ACSL3: variants seen among roughly 807,000 people sequenced by gnomAD.
ACSL3 encodes fatty acid CoA ligase Acsl3.
ACSL3 carries 34 observed loss-of-function variants against 84.7 expected under a neutral mutation model. That is an observed-to-expected ratio of 0.40 (90% CI 0.31 to 0.53). The LOEUF (loss-of-function observed/expected upper bound fraction) is 0.53, where lower values mean the gene tolerates loss of function less well. Ranked by LOEUF, ACSL3 falls within the 20% of genes least tolerant of loss-of-function variation. The pLI is 0.48. For missense variants in ACSL3, 680 were observed against 873.1 expected, an observed-to-expected ratio of 0.78 and a Z score of 2.79; for synonymous variants, 315 against 299.4, an observed-to-expected ratio of 1.05 and a Z score of -0.54.
In ACSL3 at chr2:222,934,204, G is replaced by A. The variant is rs551078317; in HGVS notation, c.1848-326G>A. Among the ~76,000 whole-genome samples, 126 of 151,668 alleles carry A rather than the reference G, an allele frequency of 8.3e-4. 1 individual carries two copies. The highest frequency in any genetic ancestry group is 2.9e-3 in the African/African-American group (119 of 41,514). On this transcript the variant is annotated intron_variant, in intron 15 of 16. Transcript: ENST00000357430. ...AAACACATGCTATGAAATACTGATA[G>A]GGTTTAAAGGTGAATATTCTAATAT...
chr2:222,867,129 G>A (rs768251258), intron 1 of ACSL3, among the ~76,000 whole-genome samples: 4 of 152,024 alleles, frequency 2.6e-5, no homozygotes, highest in East Asian at 1.9e-4. Flanking sequence ...CACCATGCCC[G>A]GCCTAGAATT....
In ACSL3 at chr2:222,886,795, T is replaced by C. The variant is rs191486241; in HGVS notation, c.-206-1035T>C. Among the ~76,000 whole-genome samples, 413 of 152,258 alleles carry C rather than the reference T, an allele frequency of 2.7e-3. 1 individual carries two copies. The highest frequency in any genetic ancestry group is 9.5e-3 in the African/African-American group (394 of 41,556). On this transcript the variant is annotated intron_variant, in intron 1 of 16. Coordinates refer to ENST00000357430, the MANE Select transcript of ACSL3 (RefSeq NM_004457.5). ...AGCAGTTTTAGGTGTACAGCAAAAT[T>C]GAGAGGAAGGTGCAGAGATTTCTCA...
At chr2:222,910,550 C>G (rs1052085034) in intron 4 of ACSL3, among the ~76,000 whole-genome samples, 1 of 152,192 alleles carries the variant, frequency 6.6e-6, no homozygotes, top group African/African-American at 2.4e-5. Context: ...TTAACCTCCT[C>G]TATATATGGC....
chr2:222,906,898 T>C (rs1696308045), intron 3 of ACSL3, among the ~76,000 whole-genome samples: 1 of 152,202 alleles, frequency 6.6e-6, no homozygotes, highest in South Asian at 2.1e-4. Flanking sequence ...CTCATCATAA[T>C]TGCTTACCAC....
At chr2:222,916,694 C>G in intron 5 of ACSL3, 198 bp downstream of exon 5, 1 of 506,930 alleles carries the variant, frequency 2.0e-6, no homozygotes, top group Non-Finnish European at 3.3e-6. Context: ...ATCAGTGTTG[C>G]AGTGAGGCTT....
rs74734510 is a variant in ACSL3 at position 222,889,426 on chromosome 2, C to T, written c.-148+1538C>T. ...GATGAAGTAAAGGGAATGTCATGAA[C>T]TACTTGGGAAACCCAGTGTCTTGAA... On this transcript the variant is annotated intron_variant, in intron 2 of 16. Transcript: ENST00000357430. Among the ~76,000 whole-genome samples, 456 of 152,206 alleles carry T rather than the reference C, an allele frequency of 3.0e-3. 4 individuals carry two copies. The highest frequency in any genetic ancestry group is 0.011 in the African/African-American group (439 of 41,574).
At chr2:222,882,759 C>CTTTTTTTT (rs1559280568) in intron 1 of ACSL3, among the ~76,000 whole-genome samples, 9 of 61,010 alleles carry the variant, frequency 1.5e-4, no homozygotes, top group African/African-American at 6.9e-4. Flanking sequence ...CTCCAGATCA[C>CTTTTTTTT]TGTTTTTTTT....
intron 8 of ACSL3, among the ~76,000 whole-genome samples, chr2:222,922,146 G>C (rs1696757923): frequency 6.6e-6 from 1 of 151,990 alleles, no homozygotes; most frequent in South Asian, 2.1e-4. Flanking sequence ...TGGTTATGGG[G>C]GCAGCTCTTG....
At chr2:222,922,429 A>G (rs1277358871) in intron 8 of ACSL3, among the ~76,000 whole-genome samples, 1 of 152,200 alleles carries the variant, frequency 6.6e-6, no homozygotes, top group Non-Finnish European at 1.5e-5. Flanking sequence ...ATAATTCCTG[A>G]GTGCTTTTAA....
At chr2:222,922,857 A>G in intron 9 of ACSL3, 26 bp downstream of exon 9, 1 of 1,612,744 alleles carries the variant, frequency 6.2e-7, no homozygotes, top group Middle Eastern at 1.7e-4. Flanking sequence ...GTGACTTGAA[A>G]TACTAAAAAA....
At position 222,921,328 on chromosome 2, in the gene ACSL3, T is replaced by C; in HGVS notation, c.854T>C (p.Met285Thr). 6.2e-7 allele frequency: 1 copy of C among 1,602,382 alleles called. No homozygotes were observed. Among genetic ancestry groups the C allele is most frequent in the Non-Finnish European group, 8.5e-7 (1 of 1,170,204 alleles). ...TTGCCCTCAGATATTGCAGTAATCA[T>C]GTACACAAGTGGATCCACAGGACTT... Reference protein sequence around the residue: ...KPLPSDIAVIMYTSGSTGLPK... With the variant: ...KPLPSDIAVITYTSGSTGLPK... Residue 285 changes from methionine to threonine, a missense_variant, in exon 8 of 17, where the codon ATG becomes ACG. Physicochemically the swap from Met to Thr is moderately conservative, Grantham distance 81. Coordinates refer to ENST00000357430, the MANE Select transcript of ACSL3 (RefSeq NM_004457.5).
intron 2 of ACSL3, among the ~76,000 whole-genome samples, chr2:222,889,231 C>T (rs1331909783): frequency 6.6e-6 from 1 of 152,052 alleles, no homozygotes; most frequent in African/African-American, 2.4e-5. Flanking sequence ...TTTATGTGTG[C>T]TCAGTAGGGT....
At chr2:222,937,613 T>C (rs1200711764) in intron 16 of ACSL3, among the ~76,000 whole-genome samples, 1 of 152,170 alleles carries the variant, frequency 6.6e-6, no homozygotes, top group Admixed American at 6.5e-5. Flanking sequence ...TTTATTTAAG[T>C]ATGGCCATCC....
chr2:222,869,000 G>A (rs1373364703), intron 1 of ACSL3, among the ~76,000 whole-genome samples: 1 of 151,876 alleles, frequency 6.6e-6, no homozygotes, highest in Non-Finnish European at 1.5e-5. Flanking sequence ...GATTTATCGT[G>A]TTTCAATTTT....
At chr2:222,861,383 C>G (rs1293930325) in intron 1 of ACSL3, 125 bp downstream of exon 1, 1 of 151,668 alleles carries the variant, frequency 6.6e-6, no homozygotes, top group Non-Finnish European at 1.5e-5. Context: ...CGGCGCCGCA[C>G]CTGACCGCTG....
rs199621546 is a variant in ACSL3, at chr2:222,919,113, G to A, written c.716G>A (p.Gly239Glu). The change falls in exon 7 of 17, where the codon GGA becomes GAA. Residue 239 changes from glycine (G) to glutamate (E), a missense_variant. Physicochemically the swap from Gly to Glu is moderately conservative, Grantham distance 98. Coordinates refer to ENST00000357430, the MANE Select transcript of ACSL3 (RefSeq NM_004457.5). ...PRLRHIITVD[G>E]KPPTWSEFPK... ...CTGCGGCACATCATCACTGTTGATG[G>A]AAAGCCACCGACCTGGTCCGAGTTC... The A allele has an allele frequency of 6.5e-5, 105 of 1,614,040 alleles. No homozygotes were observed. Among genetic ancestry groups the A allele is most frequent in the Admixed American group, 1.2e-4 (7 of 60,004 alleles).
At chr2:222,936,919 TCTCA>T (rs1275127582) in intron 16 of ACSL3, among the ~76,000 whole-genome samples, 1 of 151,864 alleles carries the variant, frequency 6.6e-6, no homozygotes, top group African/African-American at 2.4e-5. Context: ...TCTTGTGAGG[TCTCA>T]CTCACCATCA....
Position 222,887,805 on chromosome 2 carries a change from G to C in ACSL3, c.-206-25G>C, listed in dbSNP as rs568436274. ...AACTAGAATATGAGTAGTAATGCTTGTCTTTTTTATGTTTGTTTTGACAGG... is the reference window on the plus strand; with the variant it reads ...AACTAGAATATGAGTAGTAATGCTTCTCTTTTTTATGTTTGTTTTGACAGG... On this transcript the variant is annotated intron_variant, in intron 1 of 16. Coordinates refer to ENST00000357430, the MANE Select transcript of ACSL3 (RefSeq NM_004457.5). 9 of 152,218 alleles carry C rather than the reference G, an allele frequency of 5.9e-5. No individual in the cohort carries two copies. In the South Asian group the frequency reaches 1.2e-3, roughly 21 times the overall value. The allele number at this position is 152,218 out of a possible 1,614,324, so 9.4% of individuals were successfully genotyped here.
intron 1 of ACSL3, among the ~76,000 whole-genome samples, chr2:222,883,800 TA>T (rs1377044305): frequency 1.3e-5 from 2 of 152,208 alleles, no homozygotes; most frequent in Non-Finnish European, 2.9e-5. Context: ...TTCTATATTC[TA>T]CCCCTTGCTT....
Sources: gnomAD v4.1 joint callset for allele counts (sites outside exome capture counted in the v4.1 genomes callset) on GRCh38, gnomAD v4.1.1 for gene constraint, MANE v1.5 for transcripts, NCBI Gene and HGNC (gene_info 2026-07-23, HGNC 2026-07-21) for gene names.